DMXL1: variants seen among roughly 807,000 people sequenced by gnomAD.
DMXL1 encodes the protein dmX-like protein 1.
In DMXL1, 99 loss-of-function variants were observed where a neutral mutation model predicts 319.2. The ratio of observed to expected loss-of-function variants is 0.31; its 90% confidence interval spans 0.26 to 0.37. The LOEUF is 0.37. DMXL1 is among the 10% of genes least tolerant of loss of function. The pLI is 1.00. For synonymous variants in DMXL1, 1,385 were observed against 1,235.2 expected (o/e 1.12, Z -2.54); for missense variants, 3,745 against 3,595.6 (o/e 1.04, Z -1.06).
intron 38 of DMXL1, among the ~76,000 whole-genome samples, chr5:119,229,907 C>T (rs942437358): frequency 6.6e-6 from 1 of 152,058 alleles, no homozygotes; most frequent in Non-Finnish European, 1.5e-5. Context: ...TACTAACAGA[C>T]CCAAATATCT....
At chr5:119,074,705 C>T (rs977972129) in intron 1 of DMXL1, among the ~76,000 whole-genome samples, 1 of 152,242 alleles carries the variant, frequency 6.6e-6, no homozygotes, top group Admixed American at 6.5e-5. Context: ...ATGACCATCT[C>T]TCCTGTGCTT....
chr5:119,124,368 C>G (rs368171324), intron 9 of DMXL1, among the ~76,000 whole-genome samples: 61 of 151,432 alleles, frequency 4.0e-4, no homozygotes, highest in African/African-American at 1.4e-3. Flanking sequence ...GCTTTTTTAG[C>G]TGTGTGACTG....
intron 39 of DMXL1, among the ~76,000 whole-genome samples, chr5:119,234,145 C>G (rs1441855457): frequency 1.3e-5 from 2 of 152,090 alleles, no homozygotes; most frequent in Non-Finnish European, 2.9e-5. Context: ...ACTGTCTTCA[C>G]TTCTCATAAT....
chr5:119,074,605 G>C (rs935840149), intron 1 of DMXL1, among the ~76,000 whole-genome samples: 2 of 152,232 alleles, frequency 1.3e-5, no homozygotes, highest in Non-Finnish European at 2.9e-5. Flanking sequence ...ACGCAGATTA[G>C]TCTATTTAAG....
chr5:119,218,488 G>A (rs759490470), intron 35 of DMXL1, among the ~76,000 whole-genome samples: 5 of 151,268 alleles, frequency 3.3e-5, no homozygotes, highest in East Asian at 3.9e-4. Context: ...ACGGAGTCTC[G>A]CTCTGTTGCC....
chr5:119,149,522 A>G lies in DMXL1; in HGVS notation c.3695A>G (p.Asp1232Gly). ...GATGGCATCCTTGTGGTAGGAATGG[A>G]CTGTGAAATGCATGTGTATTGCCAA... ...VRDGILVVGM[D>G]CEMHVYCQWQ... Residue 1232 changes from aspartate to glycine, a missense_variant, in exon 18 of 44, where the codon GAC becomes GGC. Coordinates refer to ENST00000539542, the MANE Select transcript of DMXL1 (RefSeq NM_001290321.3). 2 of 1,613,926 alleles carry G rather than the reference A, an allele frequency of 1.2e-6. No individual in the cohort carries two copies. The highest frequency in any genetic ancestry group is 1.1e-5 in the South Asian group (1 of 91,082).
chr5:119,195,580 G>A (rs1380567700), intron 30 of DMXL1, among the ~76,000 whole-genome samples: 1 of 152,134 alleles, frequency 6.6e-6, no homozygotes, highest in African/African-American at 2.4e-5. Flanking sequence ...GCTGGTGGTG[G>A]GGGGAGAATG....
At chr5:119,100,826 C>T (rs1306529930) in intron 2 of DMXL1, among the ~76,000 whole-genome samples, 1 of 116,936 alleles carries the variant, frequency 8.6e-6, no homozygotes, top group African/African-American at 3.3e-5. Flanking sequence ...GTCGCCCAGG[C>T]TGGAGTGCAG....
chr5:119,208,613 T>G (rs1346948034), intron 34 of DMXL1, among the ~76,000 whole-genome samples: 1 of 152,192 alleles, frequency 6.6e-6, no homozygotes, highest in East Asian at 1.9e-4. Flanking sequence ...TCATGCTACG[T>G]CAAAATACAG....
At chr5:119,123,145 A>G (rs188719683) in intron 9 of DMXL1, among the ~76,000 whole-genome samples, 63 of 152,174 alleles carry the variant, frequency 4.1e-4, no homozygotes, top group African/African-American at 9.9e-4. Flanking sequence ...CACCAAAAAA[A>G]TACGAAAACC....
At chr5:119,081,677 C>G (rs1400341384) in intron 1 of DMXL1, 1 of 985,226 alleles carries the variant, frequency 1.0e-6, no homozygotes, top group Non-Finnish European at 1.2e-6. Context: ...CCAACTTAGA[C>G]TTTACCAATT....
intron 1 of DMXL1, among the ~76,000 whole-genome samples, chr5:119,085,921 T>G (rs1753256228): frequency 6.6e-6 from 1 of 152,230 alleles, no homozygotes; most frequent in African/African-American, 2.4e-5. Context: ...CAAATGCTTT[T>G]CCAGGATCTA....
chr5:119,197,125 A>G (rs1403428703), intron 31 of DMXL1, among the ~76,000 whole-genome samples: 1 of 152,220 alleles, frequency 6.6e-6, no homozygotes, highest in African/African-American at 2.4e-5. Flanking sequence ...TTCCATGGCA[A>G]GTATTATTTA....
At chr5:119,075,737 A>C (rs1371900057) in intron 1 of DMXL1, among the ~76,000 whole-genome samples, 1 of 149,728 alleles carries the variant, frequency 6.7e-6, no homozygotes, top group Non-Finnish European at 1.5e-5. Flanking sequence ...AAAAAAAAAC[A>C]AAAAAAAATG....
chr5:119,238,859 C>G, intron 40 of DMXL1, 130 bp from the exon 41 acceptor site: 1 of 1,443,268 alleles, frequency 6.9e-7, no homozygotes. Flanking sequence ...TTCTAAAGTT[C>G]AAAGGAAAAA....
At chr5:119,130,907 G>C (rs1353234614) in intron 10 of DMXL1, among the ~76,000 whole-genome samples, 1 of 151,738 alleles carries the variant, frequency 6.6e-6, no homozygotes, top group Non-Finnish European at 1.5e-5. Context: ...CTGACAAATT[G>C]CCCTCCAGAA....
chr5:119,233,554 T>C lies in DMXL1; in HGVS notation c.8466+87T>C, dbSNP rs1581469662. ...AGTTTGGGTTTCTGAAAAGAACAGC[T>C]CCGTGGGTAGTAGTAAAGTATTGAT... On this transcript the variant is annotated intron_variant, in intron 39 of 43. Transcript: ENST00000539542. 2.8e-6 allele frequency: 3 copies of C among 1,081,720 alleles called. No individual in the cohort carries two copies. In the African/African-American group the frequency reaches 4.8e-5, roughly 17 times the overall value. The allele number at this position is 1,081,720 out of a possible 1,614,324, so 67.0% of individuals were successfully genotyped here.
At chr5:119,118,752 T>C (rs1761394911) in intron 7 of DMXL1, 63 bp from the exon 8 acceptor site, 2 of 1,275,668 alleles carry the variant, frequency 1.6e-6, no homozygotes, top group Non-Finnish European at 2.2e-6. Flanking sequence ...AGAAACATCG[T>C]AGAATTTCTG....
At position 119,177,410 on chromosome 5, in the gene DMXL1, C is replaced by T. The variant is rs1393641053; in HGVS notation, c.6812C>T (p.Pro2271Leu). ...TGMVYQTVLL[P>L]HRPSLKTGSL... is the part of the protein sequence containing the mutation. ...ATGGTATATCAGACAGTACTGCTTCCTCATCGACCTTCTTTGAAAACAGGA... is the reference window on the plus strand; with the variant it reads ...ATGGTATATCAGACAGTACTGCTTCTTCATCGACCTTCTTTGAAAACAGGA... Residue 2271 changes from proline to leucine, a missense_variant, in exon 27 of 44, where the codon CCT becomes CTT. By Grantham distance (98) the Pro-to-Leu change is moderately conservative (BLOSUM62 -3). This residue lies in a region of DMXL1 where 1,382 missense variants were observed against 1,269.5 expected (regional missense o/e 1.09). Transcript: ENST00000539542. 6.2e-7 allele frequency: 1 copy of T among 1,608,904 alleles called. No homozygotes were observed. The highest frequency in any genetic ancestry group is 8.5e-7 in the Non-Finnish European group (1 of 1,176,806).
Sources: gnomAD v4.1 joint callset for allele counts (sites outside exome capture counted in the v4.1 genomes callset) on GRCh38, gnomAD v4.1.1 for gene constraint, gnomAD v4.1.1 regional missense constraint, MANE v1.5 for transcripts, NCBI Gene and HGNC (gene_info 2026-07-23, HGNC 2026-07-21) for gene names.